Variants in STAT1 observed in about 807,000 individuals in gnomAD.
The protein encoded by STAT1 is signal transducer and activator of transcription 1-alpha/beta.
A neutral mutation model predicts 111.7 loss-of-function variants in STAT1; 24 were observed. The observed-to-expected ratio is 0.21, with a 90% confidence interval of 0.16 to 0.30. The LOEUF is 0.30. Ranked by LOEUF, STAT1 falls within the 10% of genes least tolerant of loss-of-function variation. The probability of loss-of-function intolerance (pLI) is 1.00; values close to 1 mark genes in which losing one functional copy is unlikely to be tolerated. For missense variants in STAT1, 351 were observed against 911.9 expected, an observed-to-expected ratio of 0.38 and a Z score of 7.92; for synonymous variants, 332 against 326.5, an observed-to-expected ratio of 1.02 and a Z score of -0.18.
chr2:191,010,374 T>C (rs1467622177), intron 2 of STAT1: 1 of 471,846 alleles, frequency 2.1e-6, no homozygotes, highest in African/African-American at 2.0e-5. Context: ...TACCACATAT[T>C]TTATTTTCAT....
rs3755311 is a variant in STAT1, at chr2:190,981,477, G to A, written c.1583-808C>T. On this transcript the variant is annotated intron_variant, in intron 18 of 24. Coordinates refer to ENST00000361099, the MANE Select transcript of STAT1 (RefSeq NM_007315.4). This position sits in a 1 kb window ranked among gnomAD's most constrained non-coding sequence, Gnocchi z 4.1. The stretch of plus-strand genomic sequence containing the variant: ...GAGAAGAGGCGGTAAGCCCATTATC[G>A]GTCTTCAAAGAGAACTACAAATGAG... 0.016 allele frequency among the ~76,000 whole-genome samples: 2,400 copies of A among 152,246 alleles called. 29 individuals are homozygous for A. The highest frequency in any genetic ancestry group is 0.047 in the East Asian group (243 of 5,186).
rs45571338 is a variant in STAT1 at position 190,974,039 on chromosome 2, G to A, written c.2238+791C>T. ...GGAAGAAAGGCCAGTAATAACTCAG[G>A]ATATTTTTTGGAAGCATTAAATAAA... On this transcript the variant is annotated intron_variant, in intron 24 of 24. Coordinates refer to ENST00000361099, the MANE Select transcript of STAT1 (RefSeq NM_007315.4). The surrounding 1 kb of genome is among the most constrained non-coding windows in gnomAD (Gnocchi z 4.8). Among the ~76,000 whole-genome samples, 29 of 152,248 alleles carry A rather than the reference G, an allele frequency of 1.9e-4. No individual in the cohort carries two copies. The highest frequency in any genetic ancestry group is 6.8e-3 in the Middle Eastern group (2 of 294).
At position 190,986,060 on chromosome 2, in the gene STAT1, A is replaced by T. The variant is rs1394413828; in HGVS notation, c.1222-400T>A. Among the ~76,000 whole-genome samples the T allele has an allele frequency of 6.6e-6, 1 of 152,194 alleles. No individual in the cohort carries two copies. The highest frequency in any genetic ancestry group is 1.9e-4 in the East Asian group (1 of 5,192). On this transcript the variant is annotated intron_variant, in intron 14 of 24. Transcript: ENST00000361099. This position sits in a 1 kb window ranked among gnomAD's most constrained non-coding sequence, Gnocchi z 5.0. ...GTCCACCTGCCCTCAAGTGGACGTC[A>T]ATCTCTGAGCTGTCAATCCCTGAGC...
In STAT1 at chr2:190,999,609, C is replaced by G. The variant is rs1694111485; in HGVS notation, c.541+17G>C. 1 of 1,600,026 alleles carries G rather than the reference C, an allele frequency of 6.2e-7. No individual in the cohort carries two copies. The highest frequency in any genetic ancestry group is 1.3e-5 in the African/African-American group (1 of 74,554). On this transcript the variant is annotated intron_variant, in intron 7 of 24. Coordinates refer to ENST00000361099, the MANE Select transcript of STAT1 (RefSeq NM_007315.4). The surrounding 1 kb of genome is among the most constrained non-coding windows in gnomAD (Gnocchi z 4.1). Reference sequence around the variant, plus strand: ...AAATTGCAGCCAACGGGCACCACTTCAGTTGTGAACCCTTACCTCTGTTCT... The same window carrying G: ...AAATTGCAGCCAACGGGCACCACTTGAGTTGTGAACCCTTACCTCTGTTCT...
chr2:190,986,619 T>C lies in STAT1; in HGVS notation c.1221+235A>G, dbSNP rs1349325347. On this transcript the variant is annotated intron_variant, in intron 14 of 24. Transcript: ENST00000361099. This position sits in a 1 kb window ranked among gnomAD's most constrained non-coding sequence, Gnocchi z 5.0. ...CAAATCATTTACGTAAACACAGGCT[T>C]AGGAAATATTTTTACTGCAAGTGAT... is the stretch of plus-strand genomic sequence containing the variant. 6.6e-6 allele frequency among the ~76,000 whole-genome samples: 1 copy of C among 152,030 alleles called. No individual in the cohort carries two copies. The highest frequency in any genetic ancestry group is 1.5e-5 in the Non-Finnish European group (1 of 68,004).
In STAT1 at chr2:191,012,965, G is replaced by C. The variant is rs1218652525; in HGVS notation, c.-2+560C>G. On this transcript the variant is annotated intron_variant, in intron 2 of 24. Coordinates refer to ENST00000361099, the MANE Select transcript of STAT1 (RefSeq NM_007315.4). This position sits in a 1 kb window ranked among gnomAD's most constrained non-coding sequence, Gnocchi z 4.0. ...ATTCTGTACCTCTATTAGAGCATCG[G>C]TTCCAGTTTTCCTTGTAAAGCTCTG... 6.6e-6 allele frequency among the ~76,000 whole-genome samples: 1 copy of C among 152,184 alleles called. No individual in the cohort carries two copies. The highest frequency in any genetic ancestry group is 1.5e-5 in the Non-Finnish European group (1 of 68,040).
At chr2:190,972,137 AG>A (rs1207093416) in intron 24 of STAT1, among the ~76,000 whole-genome samples, 7 of 152,266 alleles carry the variant, frequency 4.6e-5, no homozygotes, top group Admixed American at 1.3e-4. Flanking sequence ...CTGCGTGACC[AG>A]GGCAAGTGGC....
rs971087330 is a variant in STAT1 at position 190,999,962 on chromosome 2, C to T, written c.463-258G>A. 2.6e-5 allele frequency among the ~76,000 whole-genome samples: 4 copies of T among 152,274 alleles called. No individual in the cohort carries two copies. The highest frequency in any genetic ancestry group is 5.9e-5 in the Non-Finnish European group (4 of 68,020). ...TTGTATGTCCTTAACCTGGTTCCAG[C>T]GCCTAAATTTTGATTCTTCCTCATC... On this transcript the variant is annotated intron_variant, in intron 6 of 24. Coordinates refer to ENST00000361099, the MANE Select transcript of STAT1 (RefSeq NM_007315.4). This position sits in a 1 kb window ranked among gnomAD's most constrained non-coding sequence, Gnocchi z 4.1.
Position 190,995,058 on chromosome 2 carries a change from T to TAC in STAT1, c.944+1_944+2dup. On this transcript the variant is annotated splice_region_variant and intron_variant, in intron 10 of 24. Coordinates refer to ENST00000361099, the MANE Select transcript of STAT1 (RefSeq NM_007315.4). The surrounding 1 kb of genome is among the most constrained non-coding windows in gnomAD (Gnocchi z 4.2). ...AGGTACAAATAAATGTCCCTTGAGT[T>TAC]ACCTCTGAATGAGCTGCTGGAAAAG... 1 of 1,613,734 alleles carries TAC rather than the reference T, an allele frequency of 6.2e-7. No homozygotes were observed. The highest frequency in any genetic ancestry group is 8.5e-7 in the Non-Finnish European group (1 of 1,179,848).
At position 190,981,010 on chromosome 2, in the gene STAT1, C is replaced by T. The variant is rs191891411; in HGVS notation, c.1583-341G>A. Among the ~76,000 whole-genome samples the T allele has an allele frequency of 2.0e-5, 3 of 151,952 alleles. No homozygotes were observed. Among genetic ancestry groups the T allele is most frequent in the African/African-American group, 7.3e-5 (3 of 41,326 alleles). Reference sequence around the variant, plus strand: ...CCTTACCATCTGCTCTCTCCCTCCCCAGCCCCCCTTTTCCCTCCCTCCTCT... The same window carrying T: ...CCTTACCATCTGCTCTCTCCCTCCCTAGCCCCCCTTTTCCCTCCCTCCTCT... On this transcript the variant is annotated intron_variant, in intron 18 of 24. Transcript: ENST00000361099. This position sits in a 1 kb window ranked among gnomAD's most constrained non-coding sequence, Gnocchi z 4.1.
rs1694213512 is a variant in STAT1 at position 191,000,845 on chromosome 2, G to C, written c.462+229C>G. ...ATTTACTGCATGATCTTTCAGGGAA[G>C]AAAAAGCTAAACTCAATGTTTGGCA... On this transcript the variant is annotated intron_variant, in intron 6 of 24. Transcript: ENST00000361099. The surrounding 1 kb of genome is among the most constrained non-coding windows in gnomAD (Gnocchi z 4.8). Among the ~76,000 whole-genome samples the C allele has an allele frequency of 6.6e-6, 1 of 152,078 alleles. No individual in the cohort carries two copies. The highest frequency in any genetic ancestry group is 2.1e-4 in the South Asian group (1 of 4,832).
Position 190,980,509 on chromosome 2 carries a change from A to T in STAT1, c.1632+111T>A. On this transcript the variant is annotated intron_variant, in intron 19 of 24. Coordinates refer to ENST00000361099, the MANE Select transcript of STAT1 (RefSeq NM_007315.4). This position sits in a 1 kb window ranked among gnomAD's most constrained non-coding sequence, Gnocchi z 6.1. ...GCCCGAGGGGCTCCTTGGCCAGAGA[A>T]GAACACGCCAAAATAAGCAAACAGT... The T allele has an allele frequency of 7.7e-7, 1 of 1,302,018 alleles. No homozygotes were observed. The highest frequency in any genetic ancestry group is 1.2e-5 in the South Asian group (1 of 84,360). The allele number at this position is 1,302,018 out of a possible 1,614,324, so 80.7% of individuals were successfully genotyped here.
In STAT1 at chr2:190,969,782, C is replaced by G. The variant is rs886055376; in HGVS notation, c.*921G>C. 4 of 152,152 alleles carry G rather than the reference C, an allele frequency of 2.6e-5. No homozygotes were observed. 9.4% of individuals were successfully genotyped at this position (152,152 alleles called of 1,614,324 possible). Reference sequence around the variant, plus strand: ...AATTTTGTGGCTAATAGACTAAATACCACCCTAATAACAAAAAGGACAAAG... The same window carrying G: ...AATTTTGTGGCTAATAGACTAAATAGCACCCTAATAACAAAAAGGACAAAG... On this transcript the variant is annotated 3_prime_UTR_variant, in exon 25 of 25. Transcript: ENST00000361099.
At chr2:190,992,748 G>T in intron 10 of STAT1, 1 of 862,584 alleles carries the variant, frequency 1.2e-6, no homozygotes, top group Non-Finnish European at 1.7e-6. Flanking sequence ...CTTAATCTCA[G>T]CTGCCATCAT....
rs143871837 is a variant in STAT1, at chr2:191,003,088, A to T, written c.373-1925T>A. 4.3e-4 allele frequency among the ~76,000 whole-genome samples: 66 copies of T among 152,264 alleles called. No homozygotes were observed. Among genetic ancestry groups the T allele is most frequent in the African/African-American group, 8.9e-4 (37 of 41,552 alleles). ...TACTCATAAGTAAAATTGGTCCATA[A>T]TTTTTTGTTTTATCTTTATCAGGCA... is the stretch of plus-strand genomic sequence containing the variant. On this transcript the variant is annotated intron_variant, in intron 5 of 24. Coordinates refer to ENST00000361099, the MANE Select transcript of STAT1 (RefSeq NM_007315.4). The surrounding 1 kb of genome is among the most constrained non-coding windows in gnomAD (Gnocchi z 4.0).
Position 190,976,837 on chromosome 2 carries a change from T to C in STAT1, c.2059+3A>G. 1 of 1,613,948 alleles carries C rather than the reference T, an allele frequency of 6.2e-7. No individual in the cohort carries two copies. Among genetic ancestry groups the C allele is most frequent in the Non-Finnish European group, 8.5e-7 (1 of 1,179,798 alleles). On this transcript the variant is annotated splice_donor_region_variant and intron_variant, in intron 22 of 24. Transcript: ENST00000361099. The surrounding 1 kb of genome is among the most constrained non-coding windows in gnomAD (Gnocchi z 6.0). ...GCTGTTACCACCTGCTTGCCCCACT[T>C]ACCTTCCTTTGGCCTGGAGTAATAC... is the stretch of plus-strand genomic sequence containing the variant.
At chr2:191,013,005 T>A (rs1695253834) in intron 2 of STAT1, among the ~76,000 whole-genome samples, 1 of 152,042 alleles carries the variant, frequency 6.6e-6, no homozygotes, top group African/African-American at 2.4e-5. Flanking sequence ...GCCTCCAGAG[T>A]CCCCGGCGGG....
In STAT1 at chr2:191,009,800, C is replaced by T. The variant is rs1694989208; in HGVS notation, c.128+76G>A. Reference sequence around the variant, plus strand: ...TTGATGGAATTCATCTTCCAGTAAACATGGCCCCAAGTCACTTAATCAACC... The same window carrying T: ...TTGATGGAATTCATCTTCCAGTAAATATGGCCCCAAGTCACTTAATCAACC... On this transcript the variant is annotated intron_variant, in intron 3 of 24. Transcript: ENST00000361099. 3.4e-5 allele frequency: 54 copies of T among 1,571,236 alleles called. No individual in the cohort carries two copies. In the South Asian group the frequency reaches 5.7e-4, roughly 17 times the overall value.
intron 24 of STAT1, among the ~76,000 whole-genome samples, chr2:190,972,746 T>TA (rs1348687990): frequency 6.6e-5 from 10 of 151,358 alleles, no homozygotes; most frequent in African/African-American, 2.4e-4. Flanking sequence ...TTTTTTTTTT[T>TA]ATATTATAGC....
Sources: allele counts gnomAD v4.1 joint callset (sites outside exome capture counted in the v4.1 genomes callset), GRCh38; gene constraint gnomAD v4.1.1; non-coding constraint Gnocchi (gnomAD v3.1); transcripts MANE v1.5; gene names NCBI Gene and HGNC (gene_info 2026-07-23, HGNC 2026-07-21).